MBNL2: variants seen among roughly 807,000 people sequenced by gnomAD.
MBNL2 encodes muscleblind-like protein 2.
A neutral mutation model predicts 41.9 loss-of-function variants in MBNL2; 17 were observed. That is an observed-to-expected ratio of 0.41 (90% confidence interval 0.28 to 0.61). The LOEUF is 0.61. Ranked by LOEUF, MBNL2 falls within the 20% of genes least tolerant of loss-of-function variation. MBNL2 has a pLI of 0.35. For missense variants in MBNL2, 336 were observed against 505.6 expected (o/e 0.66, Z 3.22); for synonymous variants, 195 against 182.9 (o/e 1.07, Z -0.53).
At chr13:97,209,741 T>G in the MBNL2 span, among the ~76,000 whole-genome samples, 1 of 152,228 alleles carries the variant, frequency 6.6e-6, no homozygotes, top group South Asian at 2.1e-4. Flanking sequence ...ACTTTTTGTT[T>G]GGCTATTGTC....
chr13:97,350,502 C>T (rs757329015), intron 5 of MBNL2, among the ~76,000 whole-genome samples: 31 of 152,216 alleles, frequency 2.0e-4, no homozygotes, highest in Non-Finnish European at 3.7e-4. Context: ...TAGCATTTTG[C>T]TCAGAGTAGA....
chr13:97,382,204 T>C (rs2065514920), intron 8 of MBNL2, among the ~76,000 whole-genome samples: 1 of 152,240 alleles, frequency 6.6e-6, no homozygotes, highest in South Asian at 2.1e-4. Context: ...CCTTTGTCAT[T>C]TGGTTTGAAA....
At chr13:97,276,433 C>T in intron 2 of MBNL2, 24 bp downstream of exon 2, 1 of 1,597,378 alleles carries the variant, frequency 6.3e-7, no homozygotes, top group Non-Finnish European at 8.6e-7. Context: ...TTTTATGTGT[C>T]ATTTCAATAC....
intron 1 of MBNL2, among the ~76,000 whole-genome samples, chr13:97,234,984 T>G (rs2043003729): frequency 6.6e-6 from 1 of 151,634 alleles, no homozygotes; most frequent in Admixed American, 6.6e-5. Context: ...CTGCCCTCCT[T>G]CCTCGTAGAA....
chr13:97,370,468 G>A (rs747364287), intron 8 of MBNL2, among the ~76,000 whole-genome samples: 6 of 152,136 alleles, frequency 3.9e-5, no homozygotes, highest in East Asian at 3.9e-4. Context: ...TTGGGAGTTC[G>A]AGACCAACCT....
chr13:97,198,161 A>G, the MBNL2 span, among the ~76,000 whole-genome samples: 1 of 152,184 alleles, frequency 6.6e-6, no homozygotes, highest in African/African-American at 2.4e-5. Flanking sequence ...CAGATTCCTC[A>G]TTGATGAGAC....
At position 97,229,992 on chromosome 13, in the gene MBNL2, T is replaced by C. The variant is rs116086877; in HGVS notation, c.-605+7461T>C. Among the ~76,000 whole-genome samples the C allele has an allele frequency of 3.2e-3, 489 of 152,136 alleles. 1 individual carries two copies. Among genetic ancestry groups the C allele is most frequent in the African/African-American group, 0.011 (471 of 41,518 alleles). ...TTGAAGGAAAAATAATAGAACGCAG[T>C]GAGAGCTTAGAAGAGTGAAACTGGG... On this transcript the variant is annotated intron_variant, in intron 1 of 8. Transcript: ENST00000679496.
At chr13:97,287,977 T>C (rs2054996615) in intron 2 of MBNL2, among the ~76,000 whole-genome samples, 1 of 148,642 alleles carries the variant, frequency 6.7e-6, no homozygotes, top group Non-Finnish European at 1.5e-5. Flanking sequence ...TTTCACGATG[T>C]TGGCCAGGTT....
chr13:97,220,664 G>A (rs1351740506), upstream of MBNL2, among the ~76,000 whole-genome samples: 1 of 152,240 alleles, frequency 6.6e-6, no homozygotes, highest in Non-Finnish European at 1.5e-5. Flanking sequence ...GGAGGCCTGA[G>A]TTCCAGAGAC....
upstream of MBNL2, among the ~76,000 whole-genome samples, chr13:97,217,789 TGTG>T (rs1290886130): frequency 5.3e-5 from 8 of 151,974 alleles, no homozygotes; most frequent in East Asian, 1.4e-3. Flanking sequence ...TTGGCTGAGG[TGTG>T]GTAAATGGAG....
the MBNL2 span, among the ~76,000 whole-genome samples, chr13:97,174,872 C>T: frequency 6.6e-6 from 1 of 152,090 alleles, no homozygotes; most frequent in Non-Finnish European, 1.5e-5. Context: ...TGACAGTCCA[C>T]AAACTGATGA....
At chr13:97,240,058 C>T (rs1594078127) in intron 1 of MBNL2, among the ~76,000 whole-genome samples, 1 of 152,224 alleles carries the variant, frequency 6.6e-6, no homozygotes, top group African/African-American at 2.4e-5. Flanking sequence ...GATACACATA[C>T]TCTTGGGAAG....
intron 1 of MBNL2, among the ~76,000 whole-genome samples, chr13:97,254,081 G>C (rs895093939): frequency 6.6e-6 from 1 of 152,090 alleles, no homozygotes; most frequent in Non-Finnish European, 1.5e-5. Flanking sequence ...GTAGAGACAG[G>C]GTTTCGCCAT....
At chr13:97,297,383 T>A (rs2057159609) in intron 2 of MBNL2, among the ~76,000 whole-genome samples, 1 of 152,118 alleles carries the variant, frequency 6.6e-6, no homozygotes, top group Admixed American at 6.5e-5. Context: ...TGGAGTATGG[T>A]AAGATCTATG....
the MBNL2 span, among the ~76,000 whole-genome samples, chr13:97,210,211 C>T: frequency 6.6e-6 from 1 of 152,198 alleles, no homozygotes; most frequent in African/African-American, 2.4e-5. Flanking sequence ...AGTGATGTTA[C>T]ATAACTCAGA....
intron 8 of MBNL2, among the ~76,000 whole-genome samples, chr13:97,377,426 C>G (rs1452611174): frequency 1.3e-5 from 2 of 152,144 alleles, no homozygotes; most frequent in Non-Finnish European, 2.9e-5. Flanking sequence ...CTTGAATATG[C>G]AGGTTCTACA....
the MBNL2 span, among the ~76,000 whole-genome samples, chr13:97,207,837 G>GC: frequency 6.6e-6 from 1 of 152,250 alleles, no homozygotes; most frequent in Non-Finnish European, 1.5e-5. Flanking sequence ...AAAATCAAAA[G>GC]CAGGTTAGTT....
At chr13:97,273,179 G>A (rs2051439210) in intron 1 of MBNL2, among the ~76,000 whole-genome samples, 1 of 152,186 alleles carries the variant, frequency 6.6e-6, no homozygotes, top group Admixed American at 6.5e-5. Flanking sequence ...TTGGGTCCTG[G>A]TACTGAGGAC....
chr13:97,374,706 TG>T (rs1282058843), intron 8 of MBNL2, among the ~76,000 whole-genome samples: 2 of 152,182 alleles, frequency 1.3e-5, no homozygotes, highest in Admixed American at 6.5e-5. Context: ...TGCAGTTTGA[TG>T]GGACTGGAGG....
Sources: allele counts gnomAD v4.1 joint callset (sites outside exome capture counted in the v4.1 genomes callset), GRCh38; gene constraint gnomAD v4.1.1; transcripts MANE v1.5; gene names NCBI Gene and HGNC (gene_info 2026-07-23, HGNC 2026-07-21).